PXK: variants seen among roughly 807,000 people sequenced by gnomAD.
The protein encoded by PXK is PX domain-containing protein kinase-like protein.
Under a neutral mutation model 84.7 loss-of-function variants are expected in PXK, and 35 were observed. The observed-to-expected ratio is 0.41, with a 90% CI of 0.32 to 0.55. The LOEUF is 0.55. PXK is among the 20% of genes least tolerant of loss of function. The pLI, the probability that PXK is intolerant of heterozygous loss-of-function variation, is 0.21. For synonymous variants in PXK, 253 were observed against 260.8 expected (o/e 0.97, Z 0.29); for missense variants, 634 against 699.7 (o/e 0.91, Z 1.06).
chr3:58,371,203 T>C (rs1185587425), intron 3 of PXK, among the ~76,000 whole-genome samples: 1 of 152,358 alleles, frequency 6.6e-6, no homozygotes, highest in East Asian at 1.9e-4. Flanking sequence ...ATGACCCATT[T>C]GAGTCTTCAG....
At position 58,409,064 on chromosome 3, in the gene PXK, GTGATTGACCTT is replaced by G. The variant is rs2059804521; in HGVS notation, c.1308+67_1308+77del. Reference sequence around the variant, plus strand: ...CCCATCCTCTGCCGTGGTTTTTATAGTGATTGACCTTTGACTGTTCCCTCTGCAAATATTTT... The same window carrying G: ...CCCATCCTCTGCCGTGGTTTTTATAGTGACTGTTCCCTCTGCAAATATTTT... On this transcript the variant is annotated intron_variant, in intron 14 of 17. Transcript: ENST00000356151. The surrounding 1 kb of genome is among the most constrained non-coding windows in gnomAD (Gnocchi z 4.2). 8.0e-7 allele frequency: 1 copy of G among 1,255,300 alleles called. No individual in the cohort carries two copies. The highest frequency in any genetic ancestry group is 1.9e-5 in the Admixed American group (1 of 53,016). The allele number at this position is 1,255,300 out of a possible 1,614,324, so 77.8% of individuals were successfully genotyped here. A position where few individuals can be genotyped will look rare whatever the true frequency, so the allele number is the denominator to read the frequency against.
chr3:58,372,070 T>C (rs1340910411), intron 3 of PXK, among the ~76,000 whole-genome samples: 1 of 151,944 alleles, frequency 6.6e-6, no homozygotes, highest in African/African-American at 2.4e-5. Context: ...CTGAGTCCAA[T>C]AGGAACATGT....
At chr3:58,384,119 C>T (rs2098530409) in intron 4 of PXK, among the ~76,000 whole-genome samples, 1 of 152,110 alleles carries the variant, frequency 6.6e-6, no homozygotes, top group Non-Finnish European at 1.5e-5. Context: ...CAAGTGATTC[C>T]AATATGGAGC....
At chr3:58,374,884 T>G (rs2098424559) in intron 3 of PXK, among the ~76,000 whole-genome samples, 1 of 151,198 alleles carries the variant, frequency 6.6e-6, no homozygotes, top group South Asian at 2.1e-4. Context: ...CCTTTAGGAA[T>G]TTTTTTTGTG....
chr3:58,339,538 G>T (rs962595048), intron 1 of PXK, among the ~76,000 whole-genome samples: 5 of 151,404 alleles, frequency 3.3e-5, no homozygotes, highest in Non-Finnish European at 5.9e-5. Context: ...CCAGAAGTTG[G>T]TTTTTTTTGC....
chr3:58,399,638 G>A lies in PXK; in HGVS notation c.1181+261G>A, dbSNP rs1054660383. Among the ~76,000 whole-genome samples, 5 of 152,094 alleles carry A rather than the reference G, an allele frequency of 3.3e-5. No individual in the cohort carries two copies. The highest frequency in any genetic ancestry group is 6.6e-5 in the Admixed American group (1 of 15,266). On this transcript the variant is annotated intron_variant, in intron 12 of 17. Transcript: ENST00000356151. This position sits in a 1 kb window ranked among gnomAD's most constrained non-coding sequence, Gnocchi z 4.3. ...CACTCAGCGTTAGCATTGTGTGTAC[G>A]TACATTAGCATTGGGTGTGCGTATG...
Position 58,400,453 on chromosome 3 carries a change from GTTCT to G in PXK, c.1181+1084_1181+1087del, listed in dbSNP as rs1560077187. Among the ~76,000 whole-genome samples, 1 of 152,204 alleles carries G rather than the reference GTTCT, an allele frequency of 6.6e-6. No individual in the cohort carries two copies. The highest frequency in any genetic ancestry group is 1.5e-5 in the Non-Finnish European group (1 of 68,040). On this transcript the variant is annotated intron_variant, in intron 12 of 17. Coordinates refer to ENST00000356151, the MANE Select transcript of PXK (RefSeq NM_017771.5). This position sits in a 1 kb window ranked among gnomAD's most constrained non-coding sequence, Gnocchi z 4.0. The stretch of plus-strand genomic sequence containing the variant: ...AGGTAGAGATAACTTCCGGTTCCTG[GTTCT>G]TTCTTTCCACAAGTGTTTAGAGAGG...
intron 1 of PXK, among the ~76,000 whole-genome samples, chr3:58,356,898 G>A (rs1436169783): frequency 1.9e-5 from 1 of 53,522 alleles, no homozygotes; most frequent in Non-Finnish European, 4.7e-5. Flanking sequence ...ACTGCGCCCG[G>A]CCTCTTTTTT....
intron 1 of PXK, among the ~76,000 whole-genome samples, chr3:58,365,063 A>T (rs1228344813): frequency 2.7e-5 from 4 of 150,882 alleles, no homozygotes; most frequent in Non-Finnish European, 5.9e-5. Context: ...CTTTGAGTGT[A>T]TTACGCTCTT....
chr3:58,378,337 G>T (rs578105719), intron 3 of PXK, among the ~76,000 whole-genome samples: 1 of 152,086 alleles, frequency 6.6e-6, no homozygotes, highest in African/African-American at 2.4e-5. Context: ...GCCCACAGTA[G>T]ATAAATCCCA....
At chr3:58,410,301 C>G in intron 16 of PXK, 142 bp downstream of exon 16, 1 of 579,130 alleles carries the variant, frequency 1.7e-6, no homozygotes, top group South Asian at 2.5e-5. Flanking sequence ...AACTCCGTCT[C>G]TAATGAAAGA....
intron 3 of PXK, among the ~76,000 whole-genome samples, chr3:58,377,282 T>C (rs6794590): frequency 1.3e-5 from 2 of 152,160 alleles, no homozygotes; most frequent in African/African-American, 4.8e-5. Flanking sequence ...CATTGTTGTT[T>C]GAAAAATACA....
chr3:58,409,999 C>T lies in PXK; in HGVS notation c.1396-91C>T. On this transcript the variant is annotated intron_variant, in intron 15 of 17. Coordinates refer to ENST00000356151, the MANE Select transcript of PXK (RefSeq NM_017771.5). The surrounding 1 kb of genome is among the most constrained non-coding windows in gnomAD (Gnocchi z 4.2). ...GTCTGCAGCTAGTTTAATGGTATGC[C>T]TGGAAAATATTTTTATTCTAACTCC... 1 of 826,060 alleles carries T rather than the reference C, an allele frequency of 1.2e-6. No individual in the cohort carries two copies. Among genetic ancestry groups the T allele is most frequent in the Non-Finnish European group, 2.0e-6 (1 of 503,670 alleles). 51.2% of individuals were successfully genotyped at this position (826,060 alleles called of 1,614,324 possible).
chr3:58,420,391 G>T, intron 17 of PXK: 1 of 1,025,746 alleles, frequency 9.7e-7, no homozygotes, highest in South Asian at 1.4e-5. Context: ...TGGTTAATTT[G>T]AGTATATCCT....
chr3:58,395,057 T>C lies in PXK; in HGVS notation c.675T>C (p.Ile225=). Reference sequence around the variant, plus strand: ...CTAATGAATCCTCAGCGTTGCTAATTAGGATGTTTAACGAAAAGGGAACAT... The same window carrying C: ...CTAATGAATCCTCAGCGTTGCTAATCAGGATGTTTAACGAAAAGGGAACAT... The part of the protein sequence containing the change: ...ATANESSALL[I]RMFNEKGTLK... The change falls in exon 8 of 18, where the codon ATT becomes ATC. Residue 225 remains isoleucine, a synonymous_variant. Coordinates refer to ENST00000356151, the MANE Select transcript of PXK (RefSeq NM_017771.5). 2 of 1,613,644 alleles carry C rather than the reference T, an allele frequency of 1.2e-6. No homozygotes were observed. The highest frequency in any genetic ancestry group is 1.7e-6 in the Non-Finnish European group (2 of 1,179,574).
In PXK at chr3:58,390,561, G is replaced by T. The variant is rs766782442; in HGVS notation, c.389-21G>T. ...CTTTCCTGATATGTCTGACTAATGG[G>T]TTTCTAAAATGTCTTTGCAGAGATT... is the stretch of plus-strand genomic sequence containing the variant. On this transcript the variant is annotated intron_variant, in intron 4 of 17. Coordinates refer to ENST00000356151, the MANE Select transcript of PXK (RefSeq NM_017771.5). The surrounding 1 kb of genome is among the most constrained non-coding windows in gnomAD (Gnocchi z 4.2). The T allele has an allele frequency of 1.4e-5, 22 of 1,602,926 alleles. No individual in the cohort carries two copies. The East Asian group carries it at 4.7e-4, about 34-fold the overall frequency.
intron 1 of PXK, among the ~76,000 whole-genome samples, chr3:58,342,594 C>G (rs953979758): frequency 7.1e-6 from 1 of 141,068 alleles, no homozygotes; most frequent in Admixed American, 7.5e-5. Context: ...GAGATCATGC[C>G]AGTGCACTCC....
intron 1 of PXK, among the ~76,000 whole-genome samples, chr3:58,349,997 G>C (rs1475163501): frequency 6.6e-6 from 1 of 152,166 alleles, no homozygotes; most frequent in Non-Finnish European, 1.5e-5. Context: ...AGCTCACTGA[G>C]GTGCAACCGT....
At chr3:58,422,282 G>C (rs1376905266) in intron 17 of PXK, 1 of 985,208 alleles carries the variant, frequency 1.0e-6, no homozygotes, top group Non-Finnish European at 1.2e-6. Flanking sequence ...CTCCCCTCCA[G>C]AGTGTTCCAA....
Sources: allele counts gnomAD v4.1 joint callset (sites outside exome capture counted in the v4.1 genomes callset), GRCh38; gene constraint gnomAD v4.1.1; non-coding constraint Gnocchi (gnomAD v3.1); transcripts MANE v1.5; gene names NCBI Gene and HGNC (gene_info 2026-07-23, HGNC 2026-07-21).